Variants in RREB1 observed in about 807,000 individuals in gnomAD.
The protein encoded by RREB1 is ras-responsive element-binding protein 1.
RREB1 carries 27 observed loss-of-function variants against 117.8 expected under a neutral mutation model. That is an observed-to-expected ratio of 0.23 (90% CI 0.17 to 0.32). The LOEUF (loss-of-function observed/expected upper bound fraction) is 0.32, where lower values mean the gene tolerates loss of function less well. Among genes scored for constraint, RREB1 ranks in the 10% least tolerant of loss-of-function variants. RREB1 has a pLI of 1.00. For synonymous variants in RREB1, 1,298 were observed against 1,026.7 expected, an observed-to-expected ratio of 1.26 and a Z score of -5.05; for missense variants, 2,577 against 2,378.2, an observed-to-expected ratio of 1.08 and a Z score of -1.74.
intron 8 of RREB1, among the ~76,000 whole-genome samples, chr6:7,219,884 C>T (rs1767136140): frequency 6.6e-6 from 1 of 152,166 alleles, no homozygotes; most frequent in African/African-American, 2.4e-5. Flanking sequence ...CAGCCCTTCT[C>T]TCTACTTCAC....
chr6:7,144,807 T>G (rs991823488), intron 1 of RREB1, among the ~76,000 whole-genome samples: 2 of 152,338 alleles, frequency 1.3e-5, no homozygotes, highest in Admixed American at 6.5e-5. Flanking sequence ...AGCAACCAAC[T>G]CTATGTGCCT....
At chr6:7,136,839 C>T (rs1489770757) in intron 1 of RREB1, among the ~76,000 whole-genome samples, 1 of 152,168 alleles carries the variant, frequency 6.6e-6, no homozygotes, top group East Asian at 1.9e-4. Context: ...CCGTCGTTAA[C>T]CAAACGTGTT....
At chr6:7,181,474 G>C (rs925304211) in intron 3 of RREB1, 2 of 424,112 alleles carry the variant, frequency 4.7e-6, no homozygotes, top group Non-Finnish European at 8.2e-6. Flanking sequence ...ACTAGTTTTA[G>C]GTCTGGAACA....
chr6:7,107,979 G>A lies in RREB1; in HGVS notation c.-366G>A, dbSNP rs936384308. Reference sequence around the variant, plus strand: ...CATTTTGATTCCTTTTCCGGAACAAGTTTGCATCTCTCCTCGGTCTCTCCC... The same window carrying A: ...CATTTTGATTCCTTTTCCGGAACAAATTTGCATCTCTCCTCGGTCTCTCCC... On this transcript the variant is annotated 5_prime_UTR_variant, in exon 1 of 13. Coordinates refer to ENST00000379938, the MANE Select transcript of RREB1 (RefSeq NM_001003699.4). The A allele has an allele frequency of 1.3e-5, 2 of 152,388 alleles. No homozygotes were observed. Among genetic ancestry groups the A allele is most frequent in the Non-Finnish European group, 2.9e-5 (2 of 68,174 alleles). The allele number at this position is 152,388 out of a possible 1,614,324, so 9.4% of individuals were successfully genotyped here.
intron 2 of RREB1, among the ~76,000 whole-genome samples, chr6:7,180,035 G>C (rs1433821040): frequency 3.3e-5 from 5 of 151,998 alleles, no homozygotes; most frequent in African/African-American, 1.2e-4. Flanking sequence ...TGTTTTTTTG[G>C]GGGGTGGGGG....
chr6:7,189,291 C>A lies in RREB1; in HGVS notation c.394C>A (p.Gln132Lys). 6.3e-7 allele frequency: 1 copy of A among 1,598,316 alleles called. No individual in the cohort carries two copies. ...GCCTTACAAGTGCACTGTGTGTGGC[C>A]AGTCATTTACCACCAATGGGAACAT... ...ERPYKCTVCG[Q>K]SFTTNGNMHR... Residue 132 changes from glutamine to lysine, a missense_variant, in exon 6 of 13, where the codon CAG (glutamine) becomes AAG (lysine). Coordinates refer to ENST00000379938, the MANE Select transcript of RREB1 (RefSeq NM_001003699.4).
At chr6:7,117,467 A>G (rs1419412253) in intron 1 of RREB1, among the ~76,000 whole-genome samples, 1 of 129,742 alleles carries the variant, frequency 7.7e-6, no homozygotes, top group African/African-American at 3.0e-5. Flanking sequence ...CTGGAGTGCA[A>G]TGGCGCAGTC....
At chr6:7,211,931 T>C in intron 8 of RREB1, 2 of 553,736 alleles carry the variant, frequency 3.6e-6, no homozygotes, top group East Asian at 3.0e-5. Context: ...CTGTGCCTTC[T>C]TTCTCTCAGC....
chr6:7,237,883 C>T (rs976209836), intron 10 of RREB1, among the ~76,000 whole-genome samples: 1 of 152,190 alleles, frequency 6.6e-6, no homozygotes, highest in Non-Finnish European at 1.5e-5. Context: ...TGATGCAATA[C>T]TTTCACATCA....
At position 7,233,324 on chromosome 6, in the gene RREB1, A is replaced by C. The variant is rs534674222; in HGVS notation, c.3808+1417A>C. ...GTATATAAATGGCCATACAACTCTC[A>C]TCTGAATTATAATTTTCTAAATTTT... On this transcript the variant is annotated intron_variant, in intron 10 of 12. Transcript: ENST00000379938. 4.4e-4 allele frequency among the ~76,000 whole-genome samples: 67 copies of C among 152,360 alleles called. 1 individual carries two copies. In the South Asian group the frequency reaches 0.012, roughly 28 times the overall value.
intron 3 of RREB1, 30 bp from the exon 4 acceptor site, chr6:7,181,840 A>G: frequency 1.3e-6 from 2 of 1,523,418 alleles, no homozygotes; most frequent in Admixed American, 1.7e-5. Flanking sequence ...AAACTTCCCC[A>G]TGATCACATC....
At chr6:7,165,923 A>G (rs1451530676) in intron 1 of RREB1, among the ~76,000 whole-genome samples, 1 of 152,206 alleles carries the variant, frequency 6.6e-6, no homozygotes, top group Non-Finnish European at 1.5e-5. Context: ...GGGGCTTGTA[A>G]ACATGAACCC....
intron 8 of RREB1, chr6:7,218,611 A>T (rs1216000862): frequency 2.6e-5 from 4 of 152,190 alleles, no homozygotes; most frequent in Non-Finnish European, 5.9e-5. Context: ...CTGGCTACAG[A>T]TTGCAGATTC....
intron 9 of RREB1, 144 bp downstream of exon 9, chr6:7,226,800 A>T (rs932737047): frequency 1.5e-5 from 10 of 677,630 alleles, no homozygotes; most frequent in Non-Finnish European, 2.5e-5. Context: ...TTTTTTCTTA[A>T]AATTATTGTT....
intron 11 of RREB1, among the ~76,000 whole-genome samples, chr6:7,243,215 G>T (rs1386241609): frequency 1.3e-5 from 2 of 152,224 alleles, no homozygotes; most frequent in Non-Finnish European, 2.9e-5. Flanking sequence ...CCCCTGCCAG[G>T]TCAGATAATT....
At chr6:7,171,171 A>G (rs1764188051) in intron 1 of RREB1, among the ~76,000 whole-genome samples, 1 of 152,168 alleles carries the variant, frequency 6.6e-6, no homozygotes, top group Admixed American at 6.5e-5. Context: ...ACACAAGGGT[A>G]TATAACGTGA....
At chr6:7,153,221 G>C (rs1429594203) in intron 1 of RREB1, among the ~76,000 whole-genome samples, 1 of 148,756 alleles carries the variant, frequency 6.7e-6, no homozygotes, top group Non-Finnish European at 1.5e-5. Flanking sequence ...AATGTTCCTA[G>C]ATTAGTAGAA....
In RREB1 at chr6:7,228,994, T is replaced by C. The variant is rs1461480863; in HGVS notation, c.898-3T>C. The C allele has an allele frequency of 2.0e-6, 3 of 1,515,438 alleles. No individual in the cohort carries two copies. The highest frequency in any genetic ancestry group is 2.3e-5 in the East Asian group (1 of 43,798). The allele number at this position is 1,515,438 out of a possible 1,614,324, so 93.9% of individuals were successfully genotyped here. A position where few individuals can be genotyped will look rare whatever the true frequency, so the allele number is the denominator to read the frequency against. On this transcript the variant is annotated splice_polypyrimidine_tract_variant and splice_region_variant and intron_variant, in intron 9 of 12. Coordinates refer to ENST00000379938, the MANE Select transcript of RREB1 (RefSeq NM_001003699.4). Reference sequence around the variant, plus strand: ...CTTGCTTTTACCGGTGGGTTCTATATAGGCCTGGTGCGAAACAAACCTGCG... The same window carrying C: ...CTTGCTTTTACCGGTGGGTTCTATACAGGCCTGGTGCGAAACAAACCTGCG...
intron 10 of RREB1, among the ~76,000 whole-genome samples, chr6:7,237,585 G>A (rs879587137): frequency 2.0e-5 from 3 of 152,140 alleles, no homozygotes; most frequent in Admixed American, 6.5e-5. Flanking sequence ...TCCTGAGTGC[G>A]CAGGTAACTC....
Sources: allele counts gnomAD v4.1 joint callset (sites outside exome capture counted in the v4.1 genomes callset), GRCh38; gene constraint gnomAD v4.1.1; transcripts MANE v1.5; gene names NCBI Gene and HGNC (gene_info 2026-07-23, HGNC 2026-07-21).